TSTD2: variants seen among roughly 807,000 people sequenced by gnomAD.
The protein encoded by TSTD2 is thiosulfate sulfurtransferase/rhodanese-like domain-containing protein 2.
TSTD2 carries 37 observed loss-of-function variants against 47.9 expected under a neutral mutation model. The ratio of observed to expected loss-of-function variants is 0.77; its 90% CI spans 0.59 to 1.02. The LOEUF is 1.02. Ranked by LOEUF, TSTD2 falls within the 50% of genes least tolerant of loss-of-function variation. The probability of loss-of-function intolerance (pLI) is 0.00; values close to 1 mark genes in which losing one functional copy is unlikely to be tolerated. For missense variants in TSTD2, 586 were observed against 616.0 expected, an observed-to-expected ratio of 0.95 and a Z score of 0.52; for synonymous variants, 201 against 215.9, an observed-to-expected ratio of 0.93 and a Z score of 0.61.
At chr9:97,603,882 T>C (rs1468013817) in intron 9 of TSTD2, among the ~76,000 whole-genome samples, 2 of 152,138 alleles carry the variant, frequency 1.3e-5, no homozygotes, top group Non-Finnish European at 2.9e-5. Flanking sequence ...TGTAGAGACA[T>C]AGTGAGCTAT....
chr9:97,610,729 CTATACCCGGT>C (rs1249134486), intron 5 of TSTD2: 1 of 228,662 alleles, frequency 4.4e-6, no homozygotes, highest in Non-Finnish European at 8.5e-6. Context: ...TAACATGTGA[CTATACCCGGT>C]TTTCATTCTT....
At chr9:97,605,943 GCCTTTAATTCATATTTT>G (rs1325205802) in intron 7 of TSTD2, among the ~76,000 whole-genome samples, 183 bp downstream of exon 7, 2 of 152,158 alleles carry the variant, frequency 1.3e-5, no homozygotes, top group Admixed American at 1.3e-4. Flanking sequence ...GTGCCTGGAT[GCCTTTAATTCATATTTT>G]CTTAGACTCT....
intron 2 of TSTD2, 21 bp from the exon 3 acceptor site, chr9:97,626,018 C>T (rs1826714554): frequency 1.9e-6 from 3 of 1,587,372 alleles, no homozygotes; most frequent in East Asian, 4.5e-5. Flanking sequence ...ATTTCAAATG[C>T]TAACACTGTT....
chr9:97,629,855 T>C (rs1285302641), intron 1 of TSTD2, among the ~76,000 whole-genome samples: 1 of 152,236 alleles, frequency 6.6e-6, no homozygotes, highest in Non-Finnish European at 1.5e-5. Flanking sequence ...GGCAGTACAT[T>C]TGGGAGGTAA....
intron 6 of TSTD2, among the ~76,000 whole-genome samples, chr9:97,607,322 T>C (rs970548138): frequency 2.0e-5 from 3 of 152,160 alleles, no homozygotes; most frequent in African/African-American, 7.2e-5. Context: ...CATTATGAGG[T>C]AGCCATGCCT....
rs542179383 is a variant in TSTD2, at chr9:97,608,043, C to T, written c.836-1782G>A. ...AAAAATACAAAAAAAATTAGCTGGGCGTGGTGGCGCATGCCTGTAGTCCCA... is the reference window on the plus strand; with the variant it reads ...AAAAATACAAAAAAAATTAGCTGGGTGTGGTGGCGCATGCCTGTAGTCCCA... On this transcript the variant is annotated intron_variant, in intron 6 of 9. Transcript: ENST00000341170. Among the ~76,000 whole-genome samples, 15 of 151,922 alleles carry T rather than the reference C, an allele frequency of 9.9e-5. No individual in the cohort carries two copies. In the East Asian group the frequency reaches 2.3e-3, roughly 24 times the overall value.
intron 1 of TSTD2, among the ~76,000 whole-genome samples, chr9:97,629,025 A>G (rs962671434): frequency 6.6e-6 from 1 of 152,224 alleles, no homozygotes; most frequent in African/African-American, 2.4e-5. Context: ...TTACTAGTGA[A>G]CTGGCAAAGT....
Position 97,600,919 on chromosome 9 carries a change from T to G in TSTD2, c.*1550A>C, listed in dbSNP as rs1018795764. The G allele has an allele frequency of 1.6e-5, 19 of 1,158,040 alleles. No individual in the cohort carries two copies. Among genetic ancestry groups the G allele is most frequent in the Non-Finnish European group, 2.1e-5 (19 of 918,252 alleles). The allele number at this position is 1,158,040 out of a possible 1,614,324, so 71.7% of individuals were successfully genotyped here. ...TGCCAGTTAAACTAATATTTTTGTT[T>G]GTTGCTTTTGGGAGTTATTTTCATT... On this transcript the variant is annotated 3_prime_UTR_variant, in exon 10 of 10. Coordinates refer to ENST00000341170, the MANE Select transcript of TSTD2 (RefSeq NM_139246.5).
At chr9:97,622,656 A>G (rs894245411) in intron 3 of TSTD2, among the ~76,000 whole-genome samples, 1 of 152,242 alleles carries the variant, frequency 6.6e-6, no homozygotes, top group Non-Finnish European at 1.5e-5. Context: ...TATACCCGCA[A>G]AGCCACAAAG....
chr9:97,620,057 C>A (rs1826605048), intron 3 of TSTD2, among the ~76,000 whole-genome samples: 1 of 152,086 alleles, frequency 6.6e-6, no homozygotes, highest in Non-Finnish European at 1.5e-5. Flanking sequence ...CAATAAAAAC[C>A]TGATATTGCT....
chr9:97,611,539 G>A (rs1193625662), intron 5 of TSTD2, 35 bp downstream of exon 5: 2 of 1,552,794 alleles, frequency 1.3e-6, no homozygotes, highest in Non-Finnish European at 1.8e-6. Context: ...AGAAGCAGAT[G>A]GCTCTAGATC....
intron 9 of TSTD2, among the ~76,000 whole-genome samples, chr9:97,603,652 T>C (rs1450393559): frequency 4.6e-5 from 7 of 151,280 alleles, no homozygotes; most frequent in African/African-American, 1.7e-4. Context: ...CCTAAAATCA[T>C]GTGTGCTACG....
At chr9:97,602,826 G>A in intron 9 of TSTD2, 59 bp from the exon 10 acceptor site, 1 of 1,500,132 alleles carries the variant, frequency 6.7e-7, no homozygotes, top group Non-Finnish European at 9.0e-7. Flanking sequence ...ACGTGGACAG[G>A]CATTGCTCCC....
chr9:97,608,633 C>CA (rs971553227), intron 6 of TSTD2, among the ~76,000 whole-genome samples: 1 of 151,634 alleles, frequency 6.6e-6, no homozygotes, highest in African/African-American at 2.4e-5. Context: ...AAGACTGTCT[C>CA]AAAAAAAGAA....
Position 97,602,664 on chromosome 9 carries a change from G to A in TSTD2, c.1356C>T (p.Phe452=). ...CTTGACATGTGACACAACAGGCTGT[G>A]AATCCTTGTCCTTGACAGGCAGGGC... is the stretch of plus-strand genomic sequence containing the variant. The part of the protein sequence containing the change: ...LTCPACQGQG[F]TACCVTCQDK... The change falls in exon 10 of 10, where the codon TTC becomes TTT. Residue 452 remains phenylalanine (F), a synonymous_variant. Transcript: ENST00000341170. 6.2e-7 allele frequency: 1 copy of A among 1,614,222 alleles called. No individual in the cohort carries two copies. The highest frequency in any genetic ancestry group is 8.5e-7 in the Non-Finnish European group (1 of 1,180,036).
intron 5 of TSTD2, chr9:97,611,228 G>C (rs1001243073): frequency 5.5e-6 from 1 of 180,598 alleles, no homozygotes; most frequent in African/African-American, 2.3e-5. Flanking sequence ...TTGAACCCAA[G>C]AGTTCCATAC....
chr9:97,625,066 CACT>C (rs1307005033), intron 3 of TSTD2, among the ~76,000 whole-genome samples: 10 of 152,182 alleles, frequency 6.6e-5, no homozygotes, highest in East Asian at 1.9e-4. Context: ...TAATCCACAC[CACT>C]ATCAAAACCA....
intron 6 of TSTD2, among the ~76,000 whole-genome samples, chr9:97,608,901 A>G (rs141759961): frequency 2.5e-4 from 38 of 152,180 alleles, no homozygotes; most frequent in African/African-American, 8.4e-4. Context: ...AACTTTACAT[A>G]TTACAAAATG....
chr9:97,618,906 A>G (rs926973988), intron 3 of TSTD2, among the ~76,000 whole-genome samples: 4 of 152,154 alleles, frequency 2.6e-5, no homozygotes, highest in Non-Finnish European at 4.4e-5. Context: ...AGCTCCTATA[A>G]CAAGTTAGTC....
Sources: gnomAD v4.1 joint callset for allele counts (sites outside exome capture counted in the v4.1 genomes callset) on GRCh38, gnomAD v4.1.1 for gene constraint, MANE v1.5 for transcripts, NCBI Gene and HGNC (gene_info 2026-07-23, HGNC 2026-07-21) for gene names.